Variants in FAM135A observed in about 807,000 individuals in gnomAD.
FAM135A encodes the protein protein FAM135A.
FAM135A carries 79 observed loss-of-function variants against 146.8 expected under a neutral mutation model. The observed-to-expected ratio is 0.54, with a 90% CI of 0.45 to 0.65. The LOEUF is 0.65. Among genes scored for constraint, FAM135A ranks in the 30% least tolerant of loss-of-function variants. The pLI, the probability that FAM135A is intolerant of heterozygous loss-of-function variation, is 0.00. For synonymous variants in FAM135A, 562 were observed against 603.6 expected, an observed-to-expected ratio of 0.93 and a Z score of 1.01; for missense variants, 1,623 against 1,758.2, an observed-to-expected ratio of 0.92 and a Z score of 1.38.
intron 19 of FAM135A, 84 bp downstream of exon 19, chr6:70,536,495 A>G (rs1419161977): frequency 1.7e-6 from 2 of 1,182,392 alleles, no homozygotes; most frequent in Non-Finnish European, 2.2e-6. Flanking sequence ...TTATTTTAGA[A>G]CCAGTTTGTC....
At chr6:70,489,782 A>C (rs949206952) in intron 10 of FAM135A, among the ~76,000 whole-genome samples, 1 of 152,152 alleles carries the variant, frequency 6.6e-6, no homozygotes, top group Non-Finnish European at 1.5e-5. Flanking sequence ...TTGTCTCGTT[A>C]GCATTTAAAA....
chr6:70,441,394 GA>G (rs369574866), intron 4 of FAM135A, among the ~76,000 whole-genome samples: 3 of 150,102 alleles, frequency 2.0e-5, no homozygotes, highest in African/African-American at 7.3e-5. Flanking sequence ...TCTCAAAAAA[GA>G]AAAAAAAACA....
chr6:70,523,319 CAA>C (rs555874058), intron 13 of FAM135A, among the ~76,000 whole-genome samples: 1 of 151,642 alleles, frequency 6.6e-6, no homozygotes, highest in Non-Finnish European at 1.5e-5. Flanking sequence ...AATTATACCA[CAA>C]AAAAAATCCT....
chr6:70,479,716 T>G, intron 8 of FAM135A, among the ~76,000 whole-genome samples: 1 of 152,286 alleles, frequency 6.6e-6, no homozygotes, highest in East Asian at 1.9e-4. Context: ...CTCCAATCAT[T>G]GAAAAATTTT....
intron 18 of FAM135A, 181 bp from the exon 19 acceptor site, chr6:70,536,079 T>C: frequency 1.9e-6 from 1 of 534,620 alleles, no homozygotes; most frequent in East Asian, 3.2e-5. Context: ...GAGGATCTTC[T>C]ATACATTCTC....
chr6:70,433,326 G>A (rs926697741), intron 4 of FAM135A, among the ~76,000 whole-genome samples: 1 of 151,908 alleles, frequency 6.6e-6, no homozygotes, highest in African/African-American at 2.4e-5. Flanking sequence ...CGCCCGCCTC[G>A]GCGTCCCAAA....
Position 70,491,060 on chromosome 6 carries a change from A to G in FAM135A, c.850A>G (p.Thr284Ala). ...GGAAATGGATGTAGAAGCTCGACTT[A>G]CTGAACTATGTGAAGAAGTTAAGGT... is the stretch of plus-strand genomic sequence containing the variant. The part of the protein sequence containing the change: ...LEEMDVEARL[T>A]ELCEEVKKIE... The change falls in exon 11 of 22, where the codon ACT becomes GCT. Residue 284 changes from threonine (T) to alanine (A), a missense_variant. Physicochemically the swap from Thr to Ala is moderately conservative, Grantham distance 58 (BLOSUM62 0). Transcript: ENST00000418814. 1 of 1,602,720 alleles carries G rather than the reference A, an allele frequency of 6.2e-7. No individual in the cohort carries two copies. Among genetic ancestry groups the G allele is most frequent in the Non-Finnish European group, 8.5e-7 (1 of 1,175,646 alleles).
rs190913689 is a variant in FAM135A at position 70,430,015 on chromosome 6, T to G, written c.77+1596T>G. ...TTCTTAGCAGGCCAGCCTGGACTTG[T>G]TCTCATGGTGGAGACAAGAGTCTGA... On this transcript the variant is annotated intron_variant, in intron 4 of 21. Coordinates refer to ENST00000418814, the MANE Select transcript of FAM135A (RefSeq NM_001162529.3). Among the ~76,000 whole-genome samples the G allele has an allele frequency of 1.1e-4, 16 of 152,266 alleles. No individual in the cohort carries two copies. In the East Asian group the frequency reaches 2.9e-3, roughly 28 times the overall value.
rs1412288497 is a variant in FAM135A, at chr6:70,426,479, A to C, written c.-93A>C. 2 of 152,160 alleles carry C rather than the reference A, an allele frequency of 1.3e-5. No individual in the cohort carries two copies. Among genetic ancestry groups the C allele is most frequent in the Non-Finnish European group, 2.9e-5 (2 of 68,034 alleles). The allele number at this position is 152,160 out of a possible 1,614,324, so 9.4% of individuals were successfully genotyped here. The stretch of plus-strand genomic sequence containing the variant: ...TTTAACAACGGGAATCAGTAACTGG[A>C]AGTACAAGATTGGTTATTTAATAAT... On this transcript the variant is annotated 5_prime_UTR_variant, in exon 3 of 22. Coordinates refer to ENST00000418814, the MANE Select transcript of FAM135A (RefSeq NM_001162529.3).
chr6:70,479,229 A>G (rs1406985851), intron 8 of FAM135A, among the ~76,000 whole-genome samples: 2 of 152,188 alleles, frequency 1.3e-5, no homozygotes, highest in Non-Finnish European at 2.9e-5. Context: ...AACAGAGTAG[A>G]TATTCACATC....
intron 16 of FAM135A, among the ~76,000 whole-genome samples, chr6:70,529,438 T>TAAA (rs763023513): frequency 7.4e-6 from 1 of 134,930 alleles, no homozygotes; most frequent in Non-Finnish European, 1.6e-5. Flanking sequence ...GATTTTTCTT[T>TAAA]AAAAAAAAAA....
intron 20 of FAM135A, among the ~76,000 whole-genome samples, chr6:70,548,945 A>G (rs921741359): frequency 6.6e-6 from 1 of 151,976 alleles, no homozygotes; most frequent in South Asian, 2.1e-4. Flanking sequence ...AAAAATATAT[A>G]TATATGGAAG....
chr6:70,507,049 G>A (rs1236502376), intron 12 of FAM135A, among the ~76,000 whole-genome samples: 1 of 152,006 alleles, frequency 6.6e-6, no homozygotes, highest in Non-Finnish European at 1.5e-5. Flanking sequence ...AATCAGGTTT[G>A]TGGAAAATTA....
intron 20 of FAM135A, among the ~76,000 whole-genome samples, chr6:70,539,335 T>A: frequency 6.6e-6 from 1 of 152,134 alleles, no homozygotes. Context: ...AGTATTTTGG[T>A]TTTGTAAGCC....
At chr6:70,428,855 CAT>C (rs895059873) in intron 4 of FAM135A, among the ~76,000 whole-genome samples, 4 of 152,172 alleles carry the variant, frequency 2.6e-5, no homozygotes, top group African/African-American at 4.8e-5. Flanking sequence ...TACACTGTGA[CAT>C]GTTATAATTT....
In FAM135A at chr6:70,538,298, G is replaced by A. The variant is rs761990083; in HGVS notation, c.4125G>A (p.Trp1375Ter). ...TCATATATGACTCTCTAGGTCTCTG[G>A]TTTATGCAGAAATGGAAAAAATCAG... ...NSSALVNTGL[W>*]FMQKWKKSGS... Residue 1375 changes from tryptophan (W) to a stop codon, truncating the protein, a stop_gained, in exon 20 of 22, where the codon TGG becomes TGA. Transcript: ENST00000418814. LOFTEE classifies it high-confidence loss of function. The A allele has an allele frequency of 6.7e-7, 1 of 1,503,436 alleles. No homozygotes were observed. Among genetic ancestry groups the A allele is most frequent in the Non-Finnish European group, 8.9e-7 (1 of 1,118,338 alleles). 93.1% of individuals were successfully genotyped at this position (1,503,436 alleles called of 1,614,324 possible). A position where few individuals can be genotyped will look rare whatever the true frequency, so the allele number is the denominator to read the frequency against.
chr6:70,423,216 A>G (rs553315333), intron 2 of FAM135A, among the ~76,000 whole-genome samples: 16 of 152,336 alleles, frequency 1.1e-4, no homozygotes, highest in African/African-American at 3.4e-4. Context: ...ATCGTAGGAG[A>G]TGAAGTCAGA....
At chr6:70,481,656 A>G (rs1425215639) in intron 9 of FAM135A, among the ~76,000 whole-genome samples, 10 of 151,992 alleles carry the variant, frequency 6.6e-5, no homozygotes, top group Non-Finnish European at 1.0e-4. Context: ...ATTAAAAAAA[A>G]AAAAAGAGTG....
Position 70,525,747 on chromosome 6 carries a change from C to T in FAM135A, c.2663C>T (p.Ser888Leu), listed in dbSNP as rs1490415864. The T allele has an allele frequency of 1.2e-6, 2 of 1,613,164 alleles. No individual in the cohort carries two copies. Among genetic ancestry groups the T allele is most frequent in the Non-Finnish European group, 1.7e-6 (2 of 1,179,588 alleles). Residue 888 changes from serine (S) to leucine (L), a missense_variant, in exon 15 of 22, where the codon TCA becomes TTA. Physicochemically the swap from Ser to Leu is moderately radical, Grantham distance 145. Transcript: ENST00000418814. ...CCAAAATGTGATGATACTAAAAAGTCAAGTATCACTTTGCAACAGCAGAGT... is the reference window on the plus strand; with the variant it reads ...CCAAAATGTGATGATACTAAAAAGTTAAGTATCACTTTGCAACAGCAGAGT... Reference protein sequence around the residue: ...DLPKCDDTKKSSITLQQQSVV... With the variant: ...DLPKCDDTKKLSITLQQQSVV...
Sources: gnomAD v4.1 joint callset for allele counts (sites outside exome capture counted in the v4.1 genomes callset) on GRCh38, gnomAD v4.1.1 for gene constraint, MANE v1.5 for transcripts, NCBI Gene and HGNC (gene_info 2026-07-23, HGNC 2026-07-21) for gene names.